Variants in SEMA6D observed in about 807,000 individuals in gnomAD.
SEMA6D encodes semaphorin 6D.
SEMA6D carries 35 observed loss-of-function variants against 106.6 expected under a neutral mutation model. The ratio of observed to expected loss-of-function variants is 0.33; its 90% confidence interval spans 0.25 to 0.44. The LOEUF is 0.44. Among genes scored for constraint, SEMA6D ranks in the 20% least tolerant of loss-of-function variants. The probability of loss-of-function intolerance (pLI) is 1.00; values close to 1 mark genes in which losing one functional copy is unlikely to be tolerated. For synonymous variants in SEMA6D, 499 were observed against 487.7 expected (o/e 1.02, Z -0.31); for missense variants, 1,185 against 1,345.9 (o/e 0.88, Z 1.87).
At chr15:47,387,839 T>G (rs971516660) in intron 1 of SEMA6D, among the ~76,000 whole-genome samples, 10 of 152,340 alleles carry the variant, frequency 6.6e-5, no homozygotes, top group Middle Eastern at 3.4e-3. Context: ...ACCTGTTTCT[T>G]CATCTGTAAC....
chr15:47,398,616 T>G (rs1160544631), intron 1 of SEMA6D, among the ~76,000 whole-genome samples: 3 of 152,126 alleles, frequency 2.0e-5, no homozygotes, highest in Non-Finnish European at 4.4e-5. Context: ...AGGGAGAGAT[T>G]CGGTTTGGCA....
At chr15:47,207,993 G>GCGCGCGCACACACACACA (rs1424944556) in intron 1 of SEMA6D, among the ~76,000 whole-genome samples, 8 of 89,396 alleles carry the variant, frequency 8.9e-5, no homozygotes, top group African/African-American at 2.9e-4. Context: ...TGGCGCGCGC[G>GCGCGCGCACACACACACA]CACACACACA....
At chr15:47,732,500 G>A (rs978869277) in intron 1 of SEMA6D, among the ~76,000 whole-genome samples, 6 of 152,188 alleles carry the variant, frequency 3.9e-5, no homozygotes, top group African/African-American at 1.4e-4. Context: ...GCTCATGTAT[G>A]AAGCCTAAAG....
rs1222579541 is a variant in SEMA6D, at chr15:47,278,631, G to T, written c.-239+94213G>T. Reference sequence around the variant, plus strand: ...TCTTTAGTTTAATTAGATCCCATTTGTCAATTTTGGCTTTTGTTACCATTG... The same window carrying T: ...TCTTTAGTTTAATTAGATCCCATTTTTCAATTTTGGCTTTTGTTACCATTG... On this transcript the variant is annotated intron_variant, in intron 1 of 19. Coordinates refer to the SEMA6D transcript ENST00000558014. Among the ~76,000 whole-genome samples the T allele has an allele frequency of 5.3e-5, 8 of 152,150 alleles. No individual in the cohort carries two copies. The East Asian group carries it at 1.5e-3, about 29-fold the overall frequency.
intron 1 of SEMA6D, among the ~76,000 whole-genome samples, chr15:47,389,269 C>T (rs1322272714): frequency 6.6e-6 from 1 of 152,116 alleles, no homozygotes; most frequent in Non-Finnish European, 1.5e-5. Context: ...GTGTCTGGCA[C>T]ATATTAAGCA....
intron 4 of SEMA6D, among the ~76,000 whole-genome samples, chr15:47,634,380 C>T (rs1361036846): frequency 6.6e-6 from 1 of 152,110 alleles, no homozygotes; most frequent in Non-Finnish European, 1.5e-5. Flanking sequence ...GTCTTCACTG[C>T]CACCTGGGAG....
chr15:47,526,778 C>A (rs1214179090), intron 3 of SEMA6D, among the ~76,000 whole-genome samples: 1 of 152,084 alleles, frequency 6.6e-6, no homozygotes, highest in Non-Finnish European at 1.5e-5. Flanking sequence ...GCACTGTCAC[C>A]TAGGCTGGAG....
intron 1 of SEMA6D, among the ~76,000 whole-genome samples, chr15:47,217,475 C>G (rs2030737608): frequency 6.6e-6 from 1 of 151,918 alleles, no homozygotes; most frequent in South Asian, 2.1e-4. Context: ...ACAAAATACT[C>G]TGCATCTGTG....
intron 1 of SEMA6D, among the ~76,000 whole-genome samples, chr15:47,353,938 G>A (rs2038433364): frequency 6.6e-6 from 1 of 151,952 alleles, no homozygotes; most frequent in African/African-American, 2.4e-5. Context: ...TATATCTTAA[G>A]ATGAGTTTCA....
intron 2 of SEMA6D, among the ~76,000 whole-genome samples, chr15:47,448,387 G>A (rs1172169472): frequency 6.6e-6 from 1 of 151,994 alleles, no homozygotes; most frequent in Non-Finnish European, 1.5e-5. Context: ...TCAGTGATTT[G>A]TGGCACGGCC....
At chr15:47,482,692 C>T (rs1455751049) in intron 3 of SEMA6D, among the ~76,000 whole-genome samples, 4 of 151,908 alleles carry the variant, frequency 2.6e-5, no homozygotes, top group African/African-American at 7.3e-5. Flanking sequence ...ATGAGTGAAA[C>T]GTAGAAAGCT....
At chr15:47,461,128 T>C (rs2042495647) in intron 2 of SEMA6D, among the ~76,000 whole-genome samples, 1 of 152,132 alleles carries the variant, frequency 6.6e-6, no homozygotes, top group African/African-American at 2.4e-5. Context: ...CACTCTCTGC[T>C]TGGTCTTCGC....
chr15:47,442,925 C>G (rs1246386821), intron 2 of SEMA6D, among the ~76,000 whole-genome samples: 4 of 151,890 alleles, frequency 2.6e-5, no homozygotes, highest in Non-Finnish European at 5.9e-5. Context: ...ACTTATTGTC[C>G]CCTTCCCTCT....
intron 1 of SEMA6D, among the ~76,000 whole-genome samples, chr15:47,213,228 A>G (rs551561727): frequency 6.6e-6 from 1 of 152,356 alleles, no homozygotes; most frequent in Non-Finnish European, 1.5e-5. Context: ...GACCGCACAA[A>G]TACAGAATAC....
intron 4 of SEMA6D, among the ~76,000 whole-genome samples, chr15:47,696,508 ACT>A (rs920033189): frequency 6.6e-6 from 1 of 152,192 alleles, no homozygotes; most frequent in Non-Finnish European, 1.5e-5. Context: ...TGGTATCTCC[ACT>A]TGGCAAAAGC....
intron 1 of SEMA6D, among the ~76,000 whole-genome samples, chr15:47,268,908 T>C (rs1193928488): frequency 6.6e-6 from 1 of 152,186 alleles, no homozygotes; most frequent in Non-Finnish European, 1.5e-5. Flanking sequence ...CCCTTTACTT[T>C]AATAGGGGCT....
At chr15:47,517,625 C>A (rs546763388) in intron 3 of SEMA6D, among the ~76,000 whole-genome samples, 2 of 152,124 alleles carry the variant, frequency 1.3e-5, no homozygotes, top group Non-Finnish European at 2.9e-5. Flanking sequence ...TTCCTTCCCA[C>A]ACAGGAAATC....
At position 47,561,134 on chromosome 15, in the gene SEMA6D, G is replaced by C. The variant is rs150531744; in HGVS notation, c.-86-39731G>C. On this transcript the variant is annotated intron_variant, in intron 3 of 19. Transcript: ENST00000558014. The stretch of plus-strand genomic sequence containing the variant: ...TTAATTTAAAAGTTATTAACCTACA[G>C]ATCCAAGATCAATGAATCTCACACA... Among the ~76,000 whole-genome samples the C allele has an allele frequency of 7.9e-5, 12 of 151,440 alleles. No individual in the cohort carries two copies. The East Asian group carries it at 2.3e-3, about 29-fold the overall frequency.
At chr15:47,749,815 C>T (rs890118592) in intron 1 of SEMA6D, among the ~76,000 whole-genome samples, 1 of 151,956 alleles carries the variant, frequency 6.6e-6, no homozygotes, top group African/African-American at 2.4e-5. Context: ...CCTAGAGACC[C>T]GGAATGGAAC....
Sources: gnomAD v4.1 joint callset for allele counts (sites outside exome capture counted in the v4.1 genomes callset) on GRCh38, gnomAD v4.1.1 for gene constraint, MANE v1.5 for transcripts, NCBI Gene and HGNC (gene_info 2026-07-23, HGNC 2026-07-21) for gene names.